TRDN: variants seen among roughly 807,000 people sequenced by gnomAD.
The protein encoded by TRDN is triadin, also known as triadin in skeletal muscle.
A neutral mutation model predicts 149.7 loss-of-function variants in TRDN; 161 were observed. That is an observed-to-expected ratio of 1.08 (90% CI 0.95 to 1.23). The LOEUF is 1.23. Ranked by LOEUF, TRDN falls within the 50% of genes most tolerant of loss-of-function variation. The pLI is 0.00. For missense variants in TRDN, 896 were observed against 823.5 expected, an observed-to-expected ratio of 1.09 and a Z score of -1.08; for synonymous variants, 294 against 250.5, an observed-to-expected ratio of 1.17 and a Z score of -1.64.
intron 5 of TRDN, among the ~76,000 whole-genome samples, chr6:123,527,162 T>G: frequency 6.6e-6 from 1 of 152,028 alleles, no homozygotes; most frequent in East Asian, 1.9e-4. Context: ...AACATCACCC[T>G]TTATGAAAAT....
At chr6:123,614,680 C>A (rs1784997000) in intron 1 of TRDN, among the ~76,000 whole-genome samples, 1 of 151,532 alleles carries the variant, frequency 6.6e-6, no homozygotes, top group Non-Finnish European at 1.5e-5. Context: ...AAATGTAAGG[C>A]CTGAAACCAT....
chr6:123,356,516 T>TATATATATATACATATATATATAC (rs1562275942), intron 20 of TRDN, among the ~76,000 whole-genome samples: 9 of 15,696 alleles, frequency 5.7e-4, no homozygotes, highest in African/African-American at 2.0e-3. Context: ...TATATATATA[T>TATATATATATACATATATATATAC]ATATATATAT....
intron 20 of TRDN, among the ~76,000 whole-genome samples, chr6:123,364,199 C>T (rs1781003839): frequency 6.6e-6 from 1 of 152,068 alleles, no homozygotes; most frequent in African/African-American, 2.4e-5. Context: ...ATAATTTGGC[C>T]AAGGTTTTCT....
intron 5 of TRDN, among the ~76,000 whole-genome samples, chr6:123,524,791 T>C (rs950965743): frequency 6.6e-6 from 1 of 152,186 alleles, no homozygotes; most frequent in Non-Finnish European, 1.5e-5. Flanking sequence ...ATAAGCATAG[T>C]AACTTTACAT....
In TRDN at chr6:123,570,290, A is replaced by T. The variant is rs575146421; in HGVS notation, c.232+633T>A. ...CAGCACTTGGCTGATTCCTTTCCTTAGGGAGCTCACAGTCAATAGAGGGTG... is the reference window on the plus strand; with the variant it reads ...CAGCACTTGGCTGATTCCTTTCCTTTGGGAGCTCACAGTCAATAGAGGGTG... On this transcript the variant is annotated intron_variant, in intron 2 of 40. Coordinates refer to ENST00000334268, the MANE Select transcript of TRDN (RefSeq NM_006073.4). Among the ~76,000 whole-genome samples, 4 of 152,348 alleles carry T rather than the reference A, an allele frequency of 2.6e-5. 1 individual carries two copies. The highest frequency in any genetic ancestry group is 2.6e-4 in the Admixed American group (4 of 15,306).
rs546916259 is a variant in TRDN at position 123,613,802 on chromosome 6, T to C, written c.22+22952A>G. On this transcript the variant is annotated intron_variant, in intron 1 of 40. Coordinates refer to ENST00000334268, the MANE Select transcript of TRDN (RefSeq NM_006073.4). ...AGGATTGAAACTATTTGATGCCACA[T>C]AACAATGAATATGAGTTGGATGGCA... Among the ~76,000 whole-genome samples, 5 of 152,246 alleles carry C rather than the reference T, an allele frequency of 3.3e-5. No individual in the cohort carries two copies. The East Asian group carries it at 9.7e-4, about 29-fold the overall frequency.
At chr6:123,553,633 T>C (rs1337719236) in intron 2 of TRDN, among the ~76,000 whole-genome samples, 8 of 152,162 alleles carry the variant, frequency 5.3e-5, no homozygotes, top group Non-Finnish European at 1.2e-4. Context: ...GGATTCACAG[T>C]TCCACTTTGC....
intron 13 of TRDN, among the ~76,000 whole-genome samples, chr6:123,390,941 T>C (rs1157621878): frequency 1.3e-5 from 2 of 152,072 alleles, no homozygotes; most frequent in Non-Finnish European, 2.9e-5. Flanking sequence ...AAAAAGCCAG[T>C]GGAAATACAC....
At chr6:123,311,120 T>C (rs1213053368) in intron 24 of TRDN, among the ~76,000 whole-genome samples, 1 of 151,952 alleles carries the variant, frequency 6.6e-6, no homozygotes, top group East Asian at 1.9e-4. Context: ...GAGGCTTAAT[T>C]GACTCATAGT....
chr6:123,356,420 C>T (rs1279780127), intron 20 of TRDN, among the ~76,000 whole-genome samples: 1 of 149,138 alleles, frequency 6.7e-6, no homozygotes, highest in African/African-American at 2.5e-5. Flanking sequence ...ACCAACCTGA[C>T]TGCATTTTAT....
At chr6:123,506,496 GT>G (rs964899503) in intron 7 of TRDN, among the ~76,000 whole-genome samples, 2 of 150,712 alleles carry the variant, frequency 1.3e-5, no homozygotes, top group African/African-American at 4.9e-5. Flanking sequence ...TTGTCTTTTT[GT>G]TTTTTTGTTT....
rs143575923 is a variant in TRDN at position 123,231,482 on chromosome 6, A to G, written c.1976-7351T>C. Among the ~76,000 whole-genome samples, 94 of 152,150 alleles carry G rather than the reference A, an allele frequency of 6.2e-4. 1 individual carries two copies. Among genetic ancestry groups the G allele is most frequent in the African/African-American group, 2.2e-3 (92 of 41,560 alleles). ...GGGATCAAATCTAGGAGGCAGCAGTATTAGGAATATAGAATGTTCAATTGG... is the reference window on the plus strand; with the variant it reads ...GGGATCAAATCTAGGAGGCAGCAGTGTTAGGAATATAGAATGTTCAATTGG... On this transcript the variant is annotated intron_variant, in intron 38 of 40. Coordinates refer to ENST00000334268, the MANE Select transcript of TRDN (RefSeq NM_006073.4).
chr6:123,311,967 G>A (rs1198477345), intron 24 of TRDN, among the ~76,000 whole-genome samples: 1 of 151,984 alleles, frequency 6.6e-6, no homozygotes, highest in East Asian at 1.9e-4. Context: ...TACACACCAT[G>A]CCAGAGGAAT....
intron 20 of TRDN, among the ~76,000 whole-genome samples, chr6:123,362,745 T>A (rs564164277): frequency 6.6e-6 from 1 of 152,296 alleles, no homozygotes; most frequent in African/African-American, 2.4e-5. Flanking sequence ...AAAACTTTCA[T>A]TGACAGTAAA....
chr6:123,628,356 G>C (rs1785786660), intron 1 of TRDN, among the ~76,000 whole-genome samples: 1 of 152,084 alleles, frequency 6.6e-6, no homozygotes, highest in Non-Finnish European at 1.5e-5. Context: ...GGAATGTCTA[G>C]TTGTTGGAGC....
chr6:123,354,178 G>T (rs1780572505), intron 20 of TRDN, among the ~76,000 whole-genome samples: 1 of 151,738 alleles, frequency 6.6e-6, no homozygotes, highest in Non-Finnish European at 1.5e-5. Context: ...TATTCTAAGG[G>T]ATTATGTGTC....
chr6:123,407,892 T>C (rs991614109), intron 12 of TRDN, among the ~76,000 whole-genome samples: 2 of 152,216 alleles, frequency 1.3e-5, no homozygotes, highest in African/African-American at 4.8e-5. Context: ...AAATTATTTT[T>C]CCACAAAGAC....
intron 22 of TRDN, among the ~76,000 whole-genome samples, chr6:123,333,175 A>G (rs772865238): frequency 6.6e-6 from 1 of 152,066 alleles, no homozygotes; most frequent in Non-Finnish European, 1.5e-5. Context: ...CTAAGCCAAA[A>G]GGATTAATGT....
intron 9 of TRDN, among the ~76,000 whole-genome samples, chr6:123,492,418 T>A (rs148542116): frequency 1.3e-5 from 2 of 152,162 alleles, no homozygotes; most frequent in African/African-American, 4.8e-5. Context: ...CTTTAGTGAA[T>A]ATAAAGAGGT....
Sources: gnomAD v4.1 joint callset for allele counts (sites outside exome capture counted in the v4.1 genomes callset) on GRCh38, gnomAD v4.1.1 for gene constraint, MANE v1.5 for transcripts, NCBI Gene and HGNC (gene_info 2026-07-23, HGNC 2026-07-21) for gene names.